The following ABTB3 variants were observed in gnomAD, a reference collection of about 807,000 sequenced individuals.
The protein encoded by ABTB3 is ankyrin repeat- and BTB/POZ domain-containing protein 3.
the ABTB3 span, among the ~76,000 whole-genome samples, chr12:107,525,150 C>T: frequency 6.6e-6 from 1 of 151,770 alleles, no homozygotes; most frequent in African/African-American, 2.4e-5. Flanking sequence ...CATAGTGAGA[C>T]TTTGTCTCTA....
the ABTB3 span, among the ~76,000 whole-genome samples, chr12:107,481,513 A>G: frequency 6.6e-6 from 1 of 152,148 alleles, no homozygotes; most frequent in East Asian, 1.9e-4. Flanking sequence ...GAGGGACCTG[A>G]GAGGCCCTCT....
the ABTB3 span, among the ~76,000 whole-genome samples, chr12:107,404,245 G>A: frequency 3.3e-5 from 5 of 151,642 alleles, no homozygotes; most frequent in Non-Finnish European, 7.4e-5. Flanking sequence ...GAAATGCCTG[G>A]AAGTCTTTAG....
chr12:107,376,004 T>C, the ABTB3 span, among the ~76,000 whole-genome samples: 1 of 152,172 alleles, frequency 6.6e-6, no homozygotes, highest in African/African-American at 2.4e-5. Flanking sequence ...GGGCCCTTTT[T>C]GCTATTCCTT....
chr12:107,529,827 C>T, the ABTB3 span, among the ~76,000 whole-genome samples: 10 of 152,182 alleles, frequency 6.6e-5, no homozygotes, highest in African/African-American at 2.2e-4. Context: ...ACTGCCTCCC[C>T]TTCCCGGAAC....
At chr12:107,578,383 C>CTTTT in the ABTB3 span, among the ~76,000 whole-genome samples, 118 of 57,132 alleles carry the variant, frequency 2.1e-3, 1 homozygote, top group African/African-American at 2.2e-3. Context: ...CTTTCTTCTT[C>CTTTT]TTTTTTTTTT....
the ABTB3 span, among the ~76,000 whole-genome samples, chr12:107,631,594 A>T: frequency 6.6e-6 from 1 of 152,072 alleles, no homozygotes; most frequent in Non-Finnish European, 1.5e-5. Flanking sequence ...ACCACATTAC[A>T]CTTCATTGTC....
At chr12:107,429,827 G>A in the ABTB3 span, among the ~76,000 whole-genome samples, 34 of 152,212 alleles carry the variant, frequency 2.2e-4, no homozygotes, top group East Asian at 1.9e-4. Context: ...TATCCATTGC[G>A]GATGTGACCT....
chr12:107,318,931 T>G, the ABTB3 span: 1 of 1,583,034 alleles, frequency 6.3e-7, no homozygotes, highest in Non-Finnish European at 8.6e-7. Context: ...CAGCATGAAG[T>G]GGCGCAGCGA....
chr12:107,412,901 A>G, the ABTB3 span, among the ~76,000 whole-genome samples: 1 of 152,100 alleles, frequency 6.6e-6, no homozygotes, highest in Non-Finnish European at 1.5e-5. Flanking sequence ...TTCCCAGGCC[A>G]CAACCCTGGA....
chr12:107,617,283 C>G, the ABTB3 span: 1 of 1,614,094 alleles, frequency 6.2e-7, no homozygotes, highest in Non-Finnish European at 8.5e-7. Flanking sequence ...TATAAAACCC[C>G]CTTCTCTGGG....
the ABTB3 span, chr12:107,610,111 AG>A: frequency 6.5e-7 from 1 of 1,546,300 alleles, no homozygotes; most frequent in African/African-American, 1.4e-5. Context: ...GCAATGTCCC[AG>A]GGTGCTTCCT....
At chr12:107,569,126 C>A in the ABTB3 span, among the ~76,000 whole-genome samples, 1 of 152,034 alleles carries the variant, frequency 6.6e-6, no homozygotes, top group Non-Finnish European at 1.5e-5. Flanking sequence ...ATTCTCAAAT[C>A]CACCACCCAA....
At chr12:107,504,464 G>T in the ABTB3 span, among the ~76,000 whole-genome samples, 15 of 152,180 alleles carry the variant, frequency 9.9e-5, no homozygotes, top group Non-Finnish European at 2.2e-4. Flanking sequence ...CTAGTGAATA[G>T]TTCCTCACTA....
the ABTB3 span, among the ~76,000 whole-genome samples, chr12:107,508,523 C>T: frequency 7.0e-5 from 9 of 129,380 alleles, no homozygotes; most frequent in Non-Finnish European, 1.2e-4. Context: ...GGCATGATCT[C>T]GGCTCATTGC....
chr12:107,631,211 C>A, the ABTB3 span, among the ~76,000 whole-genome samples: 6 of 152,222 alleles, frequency 3.9e-5, no homozygotes, highest in Non-Finnish European at 5.9e-5. Flanking sequence ...ATTTGGTTTT[C>A]TGTTTCTACA....
At chr12:107,466,639 G>C in the ABTB3 span, among the ~76,000 whole-genome samples, 2 of 152,060 alleles carry the variant, frequency 1.3e-5, no homozygotes. Context: ...GCAGACTTCG[G>C]CAGGGTGGGG....
chr12:107,368,175 G>A, the ABTB3 span, among the ~76,000 whole-genome samples: 16 of 152,138 alleles, frequency 1.1e-4, no homozygotes, highest in Non-Finnish European at 1.5e-4. Context: ...TATCCATCCC[G>A]TTAATAAGAG....
the ABTB3 span, among the ~76,000 whole-genome samples, chr12:107,607,986 GT>G: frequency 3.9e-5 from 6 of 152,114 alleles, no homozygotes; most frequent in Non-Finnish European, 7.3e-5. Context: ...CACAAAGTGG[GT>G]TCATTAGAGG....
At chr12:107,547,780 C>T in the ABTB3 span, among the ~76,000 whole-genome samples, 1 of 152,180 alleles carries the variant, frequency 6.6e-6, no homozygotes, top group Admixed American at 6.5e-5. Flanking sequence ...TTCCATTTGT[C>T]CTTCGTAAGG....
Sources: allele counts gnomAD v4.1 joint callset (sites outside exome capture counted in the v4.1 genomes callset), GRCh38; gene constraint gnomAD v4.1.1; transcripts MANE v1.5; gene names NCBI Gene and HGNC (gene_info 2026-07-23, HGNC 2026-07-21).